The following SHTN1 variants were observed in gnomAD, a reference collection of about 807,000 sequenced individuals.
SHTN1 encodes the protein shootin-1.
Under a neutral mutation model 83.1 loss-of-function variants are expected in SHTN1, and 42 were observed. The observed-to-expected ratio is 0.51, with a 90% CI of 0.39 to 0.65. The LOEUF is 0.65. SHTN1 is among the 30% of genes least tolerant of loss of function. The pLI is 0.00. For synonymous variants in SHTN1, 224 were observed against 247.7 expected (o/e 0.90, Z 0.90); for missense variants, 622 against 737.8 (o/e 0.84, Z 1.82).
intron 16 of SHTN1, among the ~76,000 whole-genome samples, chr10:116,886,993 G>T (rs924876738): frequency 2.6e-5 from 4 of 152,004 alleles, no homozygotes; most frequent in Non-Finnish European, 4.4e-5. Context: ...TGGTTGCAGG[G>T]TAGTGCTGAG....
chr10:116,907,122 C>A (rs764608873), intron 14 of SHTN1, among the ~76,000 whole-genome samples: 5 of 152,122 alleles, frequency 3.3e-5, no homozygotes, highest in Non-Finnish European at 7.3e-5. Context: ...AGAAGGAAAT[C>A]TTTATATGGC....
intron 1 of SHTN1, among the ~76,000 whole-genome samples, chr10:116,984,197 C>T (rs1160716749): frequency 6.6e-6 from 1 of 152,158 alleles, no homozygotes; most frequent in Non-Finnish European, 1.5e-5. Flanking sequence ...CCAGTATTTC[C>T]AACCAATACT....
intron 5 of SHTN1, among the ~76,000 whole-genome samples, chr10:116,952,514 T>C (rs191866902): frequency 2.6e-5 from 4 of 152,334 alleles, no homozygotes; most frequent in Admixed American, 2.0e-4. Context: ...ATATAACTAT[T>C]TGAAAGAAGG....
intron 16 of SHTN1, among the ~76,000 whole-genome samples, chr10:116,886,800 C>T (rs1440007806): frequency 2.0e-5 from 3 of 152,220 alleles, no homozygotes; most frequent in Non-Finnish European, 4.4e-5. Flanking sequence ...GAGCGATTAA[C>T]TACAGAAGTG....
At chr10:117,064,287 A>G (rs1288141853) in intron 1 of SHTN1, among the ~76,000 whole-genome samples, 1 of 152,218 alleles carries the variant, frequency 6.6e-6, no homozygotes, top group Non-Finnish European at 1.5e-5. Context: ...GGTTACAAGG[A>G]ACCAAGAAAG....
At chr10:117,122,791 G>C (rs186095586) in intron 1 of SHTN1, among the ~76,000 whole-genome samples, 1 of 152,106 alleles carries the variant, frequency 6.6e-6, no homozygotes, top group African/African-American at 2.4e-5. Context: ...AGAGAACAGT[G>C]AGAACTCTCA....
intron 1 of SHTN1, among the ~76,000 whole-genome samples, chr10:117,052,880 C>T (rs1331521994): frequency 1.3e-5 from 2 of 150,752 alleles, no homozygotes; most frequent in Non-Finnish European, 3.0e-5. Flanking sequence ...AATAGCCAGG[C>T]ATGGTGGTGG....
intron 2 of SHTN1, 143 bp from the exon 3 acceptor site, chr10:116,968,855 T>TATGGTCAC (rs1003387446): frequency 1.1e-5 from 7 of 651,454 alleles, no homozygotes; most frequent in Non-Finnish European, 1.9e-5. Context: ...TCAATGGTCA[T>TATGGTCAC]ATATGAACTT....
chr10:116,994,492 AG>A (rs1851558216), intron 1 of SHTN1, among the ~76,000 whole-genome samples: 1 of 152,118 alleles, frequency 6.6e-6, no homozygotes, highest in Non-Finnish European at 1.5e-5. Context: ...TCACCTTTTT[AG>A]TCAACTGTAG....
chr10:116,995,875 G>A (rs1448757872), intron 1 of SHTN1, among the ~76,000 whole-genome samples: 1 of 152,084 alleles, frequency 6.6e-6, no homozygotes, highest in Non-Finnish European at 1.5e-5. Flanking sequence ...ACAGGCCCAG[G>A]AACATCAGGA....
rs1245172658 is a variant in SHTN1, at chr10:116,954,079, C to G, written c.399G>C (p.Glu133Asp). 1.3e-5 allele frequency: 21 copies of G among 1,613,068 alleles called. No individual in the cohort carries two copies. The highest frequency in any genetic ancestry group is 1.6e-5 in the Non-Finnish European group (19 of 1,179,790). Residue 133 changes from glutamate to aspartate, a missense_variant, in exon 5 of 17, where the codon GAG (glutamate) becomes GAC (aspartate). Physicochemically the swap from Glu to Asp is conservative, Grantham distance 45 (BLOSUM62 2). Coordinates refer to ENST00000355371, the MANE Select transcript of SHTN1 (RefSeq NM_001127211.3). ...DSTTDTDGAAETCVSVQCQKQ... is the reference protein window; with the variant it reads ...DSTTDTDGAADTCVSVQCQKQ... Reference sequence around the variant, plus strand: ...TCTGACACTGTACTGAGACACAAGTCTCGGCGGCACCGTCTGTGTCTGTAG... The same window carrying G: ...TCTGACACTGTACTGAGACACAAGTGTCGGCGGCACCGTCTGTGTCTGTAG...
At chr10:117,004,791 C>G (rs1207882743) in intron 1 of SHTN1, among the ~76,000 whole-genome samples, 1 of 152,244 alleles carries the variant, frequency 6.6e-6, no homozygotes, top group Non-Finnish European at 1.5e-5. Flanking sequence ...CAGCGGGTCT[C>G]GAGCTGCGGG....
intron 2 of SHTN1, among the ~76,000 whole-genome samples, chr10:116,972,910 A>C (rs1400845971): frequency 1.3e-5 from 2 of 152,200 alleles, no homozygotes; most frequent in African/African-American, 2.4e-5. Context: ...GAAAGCCCTT[A>C]ATATTAGAAG....
chr10:117,009,474 T>G (rs560210011), upstream of SHTN1, among the ~76,000 whole-genome samples: 78 of 152,086 alleles, frequency 5.1e-4, 1 homozygote, highest in Non-Finnish European at 9.1e-4. Context: ...AGGAAAAAAT[T>G]TAATTAGTAA....
chr10:116,896,837 A>C (rs1394296554), intron 16 of SHTN1, among the ~76,000 whole-genome samples: 8 of 131,268 alleles, frequency 6.1e-5, no homozygotes, highest in African/African-American at 6.0e-5. Context: ...TAAGAGTCTC[A>C]CTCTGTGGCC....
At chr10:117,057,389 T>C (rs1427675550) in intron 1 of SHTN1, among the ~76,000 whole-genome samples, 5 of 152,084 alleles carry the variant, frequency 3.3e-5, no homozygotes, top group Admixed American at 6.5e-5. Flanking sequence ...AAAGACCCAA[T>C]CCTTCAAATG....
At chr10:117,039,232 C>G (rs2133579156) in intron 2 of SHTN1, among the ~76,000 whole-genome samples, 1 of 152,150 alleles carries the variant, frequency 6.6e-6, no homozygotes, top group Non-Finnish European at 1.5e-5. Context: ...GTGAAATAAG[C>G]CAATCTGAAA....
At chr10:117,003,241 T>C (rs1049995875) in intron 1 of SHTN1, among the ~76,000 whole-genome samples, 2 of 151,622 alleles carry the variant, frequency 1.3e-5, no homozygotes, top group East Asian at 3.9e-4. Context: ...CGAAGGTGTA[T>C]TAAATATAAA....
chr10:116,892,477 AAG>A (rs913159762), intron 16 of SHTN1, among the ~76,000 whole-genome samples: 1 of 152,212 alleles, frequency 6.6e-6, no homozygotes, highest in Admixed American at 6.5e-5. Context: ...CAGCTATTAA[AAG>A]CCATGTTATT....
Sources: allele counts gnomAD v4.1 joint callset (sites outside exome capture counted in the v4.1 genomes callset), GRCh38; gene constraint gnomAD v4.1.1; transcripts MANE v1.5; gene names NCBI Gene and HGNC (gene_info 2026-07-23, HGNC 2026-07-21).